TMEM156: variants seen among roughly 807,000 people sequenced by gnomAD.
TMEM156 encodes transmembrane protein 156.
TMEM156 carries 28 observed loss-of-function variants against 30.5 expected under a neutral mutation model. The ratio of observed to expected loss-of-function variants is 0.92; its 90% CI spans 0.68 to 1.26. The LOEUF is 1.26. TMEM156 is among the 50% of genes most tolerant of loss of function. TMEM156 has a pLI of 0.00. For synonymous variants in TMEM156, 137 were observed against 119.9 expected, an observed-to-expected ratio of 1.14 and a Z score of -0.93; for missense variants, 351 against 340.6, an observed-to-expected ratio of 1.03 and a Z score of -0.24.
chr4:39,017,301 A>C (rs1484482079), intron 1 of TMEM156, among the ~76,000 whole-genome samples: 1 of 144,706 alleles, frequency 6.9e-6, no homozygotes, highest in African/African-American at 2.6e-5. Flanking sequence ...CAGCCTCCCG[A>C]GTAGCTGGGA....
chr4:39,001,241 G>T (rs1713333737), intron 1 of TMEM156, among the ~76,000 whole-genome samples: 1 of 145,522 alleles, frequency 6.9e-6, no homozygotes, highest in South Asian at 2.2e-4. Flanking sequence ...GAAAAAATTA[G>T]CTGGGCATGG....
intron 4 of TMEM156, among the ~76,000 whole-genome samples, chr4:38,987,112 T>C (rs1398520659): frequency 1.3e-5 from 2 of 152,200 alleles, no homozygotes; most frequent in South Asian, 2.1e-4. Context: ...CTAGCTCACT[T>C]CTATCTCTCT....
intron 5 of TMEM156, among the ~76,000 whole-genome samples, chr4:38,980,417 CGCAGTCAATGTAGA>C (rs1723120881): frequency 6.6e-6 from 1 of 152,108 alleles, no homozygotes; most frequent in Non-Finnish European, 1.5e-5. Flanking sequence ...ATTCTTTCAA[CGCAGTCAATGTAGA>C]GTTGTATTTA....
intron 5 of TMEM156, among the ~76,000 whole-genome samples, chr4:38,974,562 T>A (rs1382337322): frequency 1.3e-5 from 2 of 152,234 alleles, no homozygotes; most frequent in Non-Finnish European, 2.9e-5. Flanking sequence ...TTAACACATT[T>A]TCTATTTCTT....
chr4:38,993,675 TA>T (rs2109956751), intron 3 of TMEM156, 62 bp downstream of exon 3: 1 of 1,439,602 alleles, frequency 6.9e-7, no homozygotes, highest in African/African-American at 1.4e-5. Flanking sequence ...TGATAGCCCT[TA>T]CTTAATTTTA....
At chr4:38,976,491 ATG>A (rs1722859695) in intron 5 of TMEM156, among the ~76,000 whole-genome samples, 1 of 152,138 alleles carries the variant, frequency 6.6e-6, no homozygotes, top group Non-Finnish European at 1.5e-5. Context: ...TAGCATCCAG[ATG>A]GGAATGCAGT....
chr4:38,992,222 C>T (rs981200203), intron 3 of TMEM156, among the ~76,000 whole-genome samples: 2 of 152,126 alleles, frequency 1.3e-5, no homozygotes, highest in Non-Finnish European at 2.9e-5. Context: ...GCACCTGTGG[C>T]ACTGGAAGGC....
intron 1 of TMEM156, among the ~76,000 whole-genome samples, chr4:39,008,808 A>G (rs964823751): frequency 4.6e-5 from 7 of 152,308 alleles, no homozygotes; most frequent in Non-Finnish European, 5.9e-5. Context: ...TATATCAAGA[A>G]GATAAATCTT....
chr4:39,019,850 C>CATT (rs1473657345), intron 1 of TMEM156, among the ~76,000 whole-genome samples: 1 of 152,070 alleles, frequency 6.6e-6, no homozygotes, highest in Non-Finnish European at 1.5e-5. Context: ...GTATATAATC[C>CATT]ATTATTATTA....
At chr4:39,025,271 A>T (rs980585700) in intron 1 of TMEM156, among the ~76,000 whole-genome samples, 8 of 143,350 alleles carry the variant, frequency 5.6e-5, no homozygotes, top group African/African-American at 7.7e-5. Flanking sequence ...TCGCTTGAAC[A>T]TGGGAGGCGG....
chr4:39,003,517 G>A lies in TMEM156; in HGVS notation c.89-4608C>T, dbSNP rs932143073. 2.0e-5 allele frequency among the ~76,000 whole-genome samples: 3 copies of A among 151,814 alleles called. No individual in the cohort carries two copies. The East Asian group carries it at 5.8e-4, about 29-fold the overall frequency. ...GCCCGGCTGATTTTGTATTTTTAGT[G>A]GAGACGGGGTTTCTTCATGTTTGTC... On this transcript the variant is annotated intron_variant, in intron 1 of 6. Transcript: ENST00000381938.
intron 3 of TMEM156, among the ~76,000 whole-genome samples, chr4:38,992,298 C>T (rs780003710): frequency 6.6e-6 from 1 of 151,826 alleles, no homozygotes; most frequent in East Asian, 1.9e-4. Context: ...CTTCATGACC[C>T]CAACACCTGA....
chr4:38,999,216 A>G (rs1005557371), intron 1 of TMEM156, among the ~76,000 whole-genome samples: 5 of 150,244 alleles, frequency 3.3e-5, no homozygotes, highest in Admixed American at 1.3e-4. Flanking sequence ...TCCCAGGCTC[A>G]GGCAATTCTC....
chr4:38,972,761 T>C (rs979324166), intron 5 of TMEM156, among the ~76,000 whole-genome samples: 5 of 152,198 alleles, frequency 3.3e-5, no homozygotes, highest in Non-Finnish European at 7.3e-5. Context: ...AGTCTTATCC[T>C]TCACCATTTG....
intron 1 of TMEM156, among the ~76,000 whole-genome samples, chr4:39,020,536 A>G (rs1265766966): frequency 1.3e-5 from 2 of 151,768 alleles, no homozygotes; most frequent in Non-Finnish European, 2.9e-5. Context: ...GTGCCTTATT[A>G]GTAGTTCTTA....
chr4:38,975,664 A>C (rs934360055), intron 5 of TMEM156, among the ~76,000 whole-genome samples: 1 of 152,070 alleles, frequency 6.6e-6, no homozygotes, highest in African/African-American at 2.4e-5. Context: ...GGCATGAGCC[A>C]CTGCGCCTGG....
chr4:39,031,878 C>CAAAAA (rs1421953559), intron 1 of TMEM156, among the ~76,000 whole-genome samples: 1 of 46,708 alleles, frequency 2.1e-5, no homozygotes, highest in Non-Finnish European at 3.7e-5. Flanking sequence ...GACTCCATCT[C>CAAAAA]AAAAAAAAAA....
In TMEM156 at chr4:38,980,915, T is replaced by A. The variant is rs557177332; in HGVS notation, c.823+5421A>T. ...CTTCCAGGCCTGACATATATGCCTG[T>A]CACGTAAAGGCATTCAATGAATGAC... is the stretch of plus-strand genomic sequence containing the variant. On this transcript the variant is annotated intron_variant, in intron 5 of 6. Transcript: ENST00000381938. 8 of 984,976 alleles carry A rather than the reference T, an allele frequency of 8.1e-6. No individual in the cohort carries two copies. In the South Asian group the frequency reaches 3.8e-4, roughly 46 times the overall value. 61.0% of individuals were successfully genotyped at this position (984,976 alleles called of 1,614,324 possible).
intron 1 of TMEM156, among the ~76,000 whole-genome samples, chr4:39,026,365 A>T (rs182003347): frequency 0.036 from 2,701 of 75,866 alleles, 38 homozygotes; most frequent in African/African-American, 0.067. Context: ...AAATTTTTTT[A>T]AAAAATTAAA....
Sources: gnomAD v4.1 joint callset for allele counts (sites outside exome capture counted in the v4.1 genomes callset) on GRCh38, gnomAD v4.1.1 for gene constraint, MANE v1.5 for transcripts, NCBI Gene and HGNC (gene_info 2026-07-23, HGNC 2026-07-21) for gene names.